The following HIRA variants were observed in gnomAD, a reference collection of about 807,000 sequenced individuals.
HIRA encodes protein HIRA.
Under a neutral mutation model 126.6 loss-of-function variants are expected in HIRA, and 13 were observed. The ratio of observed to expected loss-of-function variants is 0.10; its 90% CI spans 0.07 to 0.16. HIRA has a LOEUF of 0.16. Ranked by LOEUF, HIRA falls within the 10% of genes least tolerant of loss-of-function variation. The pLI is 1.00. For synonymous variants in HIRA, 511 were observed against 520.0 expected (o/e 0.98, Z 0.24); for missense variants, 834 against 1,314.4 (o/e 0.63, Z 5.65).
chr22:19,388,537 C>A lies in HIRA; in HGVS notation c.954G>T (p.Arg318=). ...SLSVWLTCLK[R]PLVVIHELFD... ...ACAGTTCATGGATGACCACCAGCGG[C>A]CGTTTCAGACATGTGAGCTGGAAGG... Residue 318 remains arginine, a synonymous_variant, in exon 10 of 25, where the codon CGG becomes CGT. Coordinates refer to ENST00000263208, the MANE Select transcript of HIRA (RefSeq NM_003325.4). 2.5e-6 allele frequency: 4 copies of A among 1,613,518 alleles called. No individual in the cohort carries two copies. The highest frequency in any genetic ancestry group is 1.3e-5 in the African/African-American group (1 of 75,056).
chr22:19,359,055 G>C lies in HIRA; in HGVS notation c.2234+281C>G, dbSNP rs573634287. 1.3e-5 allele frequency among the ~76,000 whole-genome samples: 2 copies of C among 152,308 alleles called. 1 individual carries two copies. The highest frequency in any genetic ancestry group is 4.8e-5 in the African/African-American group (2 of 41,560). ...ATTCGAGACTTTGGGGATCTGGCTG[G>C]ACAAGGGAATCAGGCCATCAGGTTC... On this transcript the variant is annotated intron_variant, in intron 18 of 24. Transcript: ENST00000263208.
At chr22:19,390,053 G>A (rs1303691054) in intron 9 of HIRA, among the ~76,000 whole-genome samples, 1 of 151,724 alleles carries the variant, frequency 6.6e-6, no homozygotes, top group Non-Finnish European at 1.5e-5. Flanking sequence ...AAATATATTG[G>A]CACCTTGATG....
chr22:19,338,533 A>G (rs1368212144), intron 24 of HIRA, among the ~76,000 whole-genome samples: 2 of 152,218 alleles, frequency 1.3e-5, no homozygotes, highest in African/African-American at 4.8e-5. Flanking sequence ...CTTAAAAGAT[A>G]CAGAATGGCA....
At chr22:19,408,739 C>T (rs2089327091) in intron 2 of HIRA, 146 bp from the exon 3 acceptor site, 1 of 571,824 alleles carries the variant, frequency 1.7e-6, no homozygotes, top group Non-Finnish European at 3.1e-6. Flanking sequence ...ATTTAAATTA[C>T]TAATTTAAGT....
intron 10 of HIRA, 111 bp from the exon 11 acceptor site, chr22:19,387,927 A>G: frequency 5.2e-6 from 1 of 192,428 alleles, no homozygotes; most frequent in African/African-American, 3.3e-5. Context: ...GATGCTGGAA[A>G]CTCCTGGTTC....
At chr22:19,370,980 A>C (rs1056337195) in intron 15 of HIRA, among the ~76,000 whole-genome samples, 10 of 152,192 alleles carry the variant, frequency 6.6e-5, no homozygotes, top group Admixed American at 1.3e-4. Context: ...TGTCTCCAGA[A>C]GCCAATCTAA....
At chr22:19,411,714 C>T (rs900696017) in intron 1 of HIRA, among the ~76,000 whole-genome samples, 8 of 152,136 alleles carry the variant, frequency 5.3e-5, no homozygotes, top group African/African-American at 1.4e-4. Flanking sequence ...TGGGCTGTTG[C>T]CAAGAGTCTC....
chr22:19,429,198 C>T (rs1047899087), intron 1 of HIRA, among the ~76,000 whole-genome samples: 3 of 121,366 alleles, frequency 2.5e-5, no homozygotes, highest in South Asian at 2.8e-4. Context: ...AGTGCAGTGG[C>T]GCGATCTCGG....
chr22:19,408,626 CA>C, intron 2 of HIRA, 33 bp from the exon 3 acceptor site: 1 of 1,228,572 alleles, frequency 8.1e-7, no homozygotes. Flanking sequence ...GCTGAATGTG[CA>C]AGGAGTAGAA....
intron 18 of HIRA, 48 bp from the exon 19 acceptor site, chr22:19,357,099 G>A: frequency 6.2e-7 from 1 of 1,601,114 alleles, no homozygotes; most frequent in Non-Finnish European, 8.5e-7. Context: ...GAGTGCTGCA[G>A]CCAAGACAGT....
At chr22:19,431,266 G>A (rs1286689371) in intron 1 of HIRA, among the ~76,000 whole-genome samples, 174 bp downstream of exon 1, 1 of 152,170 alleles carries the variant, frequency 6.6e-6, no homozygotes, top group Non-Finnish European at 1.5e-5. Flanking sequence ...ACGTGCTGGG[G>A]CTCACCAGCC....
At chr22:19,421,188 A>C (rs991585395) in intron 1 of HIRA, among the ~76,000 whole-genome samples, 2 of 152,140 alleles carry the variant, frequency 1.3e-5, no homozygotes, top group Non-Finnish European at 2.9e-5. Flanking sequence ...AATCCCAGCT[A>C]ATCGGAAGGC....
At chr22:19,342,354 G>C (rs1162318513) in intron 24 of HIRA, among the ~76,000 whole-genome samples, 3 of 152,152 alleles carry the variant, frequency 2.0e-5, no homozygotes, top group Admixed American at 2.0e-4. Context: ...CTGCTGGTGG[G>C]AATGTAAACT....
intron 2 of HIRA, among the ~76,000 whole-genome samples, chr22:19,408,901 C>G (rs2089328267): frequency 6.6e-6 from 1 of 152,188 alleles, no homozygotes. Context: ...CACCAGGGGT[C>G]CCTAAAAGGT....
chr22:19,340,241 C>T (rs530003224), intron 24 of HIRA, among the ~76,000 whole-genome samples: 2 of 152,098 alleles, frequency 1.3e-5, no homozygotes, highest in South Asian at 4.2e-4. Context: ...AAATGAGATA[C>T]ATCACATAAA....
At chr22:19,405,357 T>A (rs1004382493) in intron 5 of HIRA, 4 of 365,318 alleles carry the variant, frequency 1.1e-5, no homozygotes, top group Non-Finnish European at 1.5e-5. Context: ...CTTCTTTCCA[T>A]GCCAAGTTTA....
Position 19,392,199 on chromosome 22 carries a change from T to C in HIRA, c.838A>G (p.Ile280Val). The change falls in exon 9 of 25, where the codon ATC becomes GTC. Residue 280 changes from isoleucine (I) to valine (V), a missense_variant. Transcript: ENST00000263208. ...CCATTCTTCTGCTTCTTTTTGAAGA[T>C]TTTTGGGTTGAATTTCTAAAGCCAA... ...AVTVVKFNPK[I>V]FKKKQKNGSS... The C allele has an allele frequency of 7.5e-6, 12 of 1,606,604 alleles. No individual in the cohort carries two copies. The highest frequency in any genetic ancestry group is 9.4e-6 in the Non-Finnish European group (11 of 1,173,796).
chr22:19,426,653 G>A (rs2089490640), intron 1 of HIRA, among the ~76,000 whole-genome samples: 1 of 152,200 alleles, frequency 6.6e-6, no homozygotes, highest in Admixed American at 6.5e-5. Flanking sequence ...TTCAGAGAGA[G>A]AGCCTTATTT....
chr22:19,402,964 A>T (rs994453927), intron 5 of HIRA, among the ~76,000 whole-genome samples: 4 of 151,956 alleles, frequency 2.6e-5, no homozygotes, highest in African/African-American at 9.7e-5. Context: ...TCAGCCAGGT[A>T]TGGTGATGTA....
Sources: allele counts gnomAD v4.1 joint callset (sites outside exome capture counted in the v4.1 genomes callset), GRCh38; gene constraint gnomAD v4.1.1; transcripts MANE v1.5; gene names NCBI Gene and HGNC (gene_info 2026-07-23, HGNC 2026-07-21).